Variants in PCDHA1 observed in about 807,000 individuals in gnomAD.
The protein encoded by PCDHA1 is protocadherin alpha 1.
PCDHA1 carries 42 observed loss-of-function variants against 61.3 expected under a neutral mutation model. That is an observed-to-expected ratio of 0.69 (90% CI 0.54 to 0.89). The LOEUF (loss-of-function observed/expected upper bound fraction) is 0.89, where lower values mean the gene tolerates loss of function less well. Ranked by LOEUF, PCDHA1 falls within the 40% of genes least tolerant of loss-of-function variation. PCDHA1 has a pLI of 0.00. For missense variants in PCDHA1, 1,256 were observed against 1,235.3 expected, an observed-to-expected ratio of 1.02 and a Z score of -0.25; for synonymous variants, 610 against 553.8, an observed-to-expected ratio of 1.10 and a Z score of -1.43.
intron 1 of PCDHA1, among the ~76,000 whole-genome samples, chr5:140,901,805 T>G (rs115665679): frequency 0.012 from 1,857 of 152,304 alleles, 44 homozygotes; most frequent in African/African-American, 0.042. Context: ...TGAACATTTT[T>G]ACAATATTGA....
At chr5:140,808,867 C>T (rs782544974) in intron 1 of PCDHA1, 18 of 1,613,062 alleles carry the variant, frequency 1.1e-5, no homozygotes, top group African/African-American at 4.0e-5. Flanking sequence ...ACGAAAACGA[C>T]AACGCGCCAG....
At chr5:140,897,378 C>T (rs992566047) in intron 1 of PCDHA1, among the ~76,000 whole-genome samples, 8 of 144,246 alleles carry the variant, frequency 5.5e-5, no homozygotes, top group Admixed American at 4.3e-4. Context: ...GTTCCCTTCC[C>T]CTTCCTGTGT....
chr5:140,878,318 C>T (rs2057536608), intron 1 of PCDHA1, among the ~76,000 whole-genome samples: 1 of 152,176 alleles, frequency 6.6e-6, no homozygotes, highest in African/African-American at 2.4e-5. Context: ...TAGACATTTT[C>T]ACATTATATT....
At position 140,796,300 on chromosome 5, in the gene PCDHA1, G is replaced by A. The variant is rs558179356; in HGVS notation, c.2394+7616G>A. ...CACCACCAGCGTGTCCATCGAGGTG[G>A]CCGACGTGAACGACAACGCGCCGGC... is the stretch of plus-strand genomic sequence containing the variant. On this transcript the variant is annotated intron_variant, in intron 1 of 3. Coordinates refer to ENST00000504120, the MANE Select transcript of PCDHA1 (RefSeq NM_018900.4). 2.5e-6 allele frequency: 4 copies of A among 1,614,144 alleles called. No individual in the cohort carries two copies. The African/African-American group carries it at 5.3e-5, about 22-fold the overall frequency.
intron 1 of PCDHA1, among the ~76,000 whole-genome samples, chr5:140,894,375 T>G (rs1246573357): frequency 1.3e-5 from 2 of 152,054 alleles, no homozygotes; most frequent in Non-Finnish European, 2.9e-5. Context: ...ATGGCTCCAA[T>G]TATATTTGTA....
At chr5:140,875,925 T>C in intron 1 of PCDHA1, 2 of 1,614,142 alleles carry the variant, frequency 1.2e-6, no homozygotes. Context: ...TGGACTCTCA[T>C]TTTCCTCTAG....
rs576802253 is a variant in PCDHA1 at position 140,888,837 on chromosome 5, C to T, written c.2395-90112C>T. ...GATCTGTGATCACATCACTCCACTG[C>T]AGCCTGGTGACAGAGTGAGACCATG... is the stretch of plus-strand genomic sequence containing the variant. On this transcript the variant is annotated intron_variant, in intron 1 of 3. Coordinates refer to ENST00000504120, the MANE Select transcript of PCDHA1 (RefSeq NM_018900.4). Among the ~76,000 whole-genome samples, 5 of 152,130 alleles carry T rather than the reference C, an allele frequency of 3.3e-5. No individual in the cohort carries two copies. In the South Asian group the frequency reaches 1.0e-3, roughly 32 times the overall value.
At chr5:140,870,885 C>T (rs782085408) in intron 1 of PCDHA1, 13 of 1,613,918 alleles carry the variant, frequency 8.1e-6, no homozygotes, top group African/African-American at 1.3e-5. Flanking sequence ...CGAAGGTGCG[C>T]GCAGTGGATG....
At chr5:140,803,573 C>T (rs1351607686) in intron 1 of PCDHA1, 4 of 1,614,074 alleles carry the variant, frequency 2.5e-6, no homozygotes, top group South Asian at 1.1e-5. Context: ...AGGATGTGGA[C>T]GTTGATCTCT....
At chr5:140,967,029 G>C (rs1554229079) in intron 1 of PCDHA1, 4 of 1,608,938 alleles carry the variant, frequency 2.5e-6, no homozygotes, top group East Asian at 2.2e-5. Flanking sequence ...CCCAGTCCGC[G>C]CTACCTGGAG....
chr5:140,882,120 C>G, intron 1 of PCDHA1: 4 of 1,448,936 alleles, frequency 2.8e-6, no homozygotes. Flanking sequence ...GCCGCCGTTT[C>G]TTTCTTCCTG....
At chr5:140,876,499 G>T in intron 1 of PCDHA1, 1 of 1,614,028 alleles carries the variant, frequency 6.2e-7, no homozygotes, top group South Asian at 1.1e-5. Flanking sequence ...AGTTCTGGAC[G>T]TGAATGACAA....
chr5:140,967,114 C>T (rs782407413), intron 1 of PCDHA1: 17 of 1,612,932 alleles, frequency 1.1e-5, no homozygotes, highest in Non-Finnish European at 1.4e-5. Flanking sequence ...AGCGGCCTCG[C>T]TGCCTGCTCA....
intron 1 of PCDHA1, chr5:140,877,301 A>T (rs2057007244): frequency 6.2e-7 from 1 of 1,613,758 alleles, no homozygotes; most frequent in African/African-American, 1.3e-5. Flanking sequence ...CTGTCCTACG[A>T]GTTGCAACCG....
chr5:140,799,893 C>G (rs1762485843), intron 1 of PCDHA1, among the ~76,000 whole-genome samples: 2 of 151,996 alleles, frequency 1.3e-5, no homozygotes, highest in Non-Finnish European at 2.9e-5. Flanking sequence ...TTCTTTGCCC[C>G]ACTTCCAAAT....
chr5:140,926,778 A>G, intron 1 of PCDHA1: 1 of 1,393,042 alleles, frequency 7.2e-7, no homozygotes, highest in East Asian at 2.6e-5. Context: ...CGCAGCAGTG[A>G]CGGCCGGCAG....
chr5:140,794,620 T>G (rs782193315), intron 1 of PCDHA1, among the ~76,000 whole-genome samples: 1 of 152,240 alleles, frequency 6.6e-6, no homozygotes, highest in African/African-American at 2.4e-5. Flanking sequence ...TAATTTTAAA[T>G]ATTATGTTGT....
intron 1 of PCDHA1, chr5:140,859,685 A>AT (rs1250609126): frequency 6.5e-6 from 1 of 154,692 alleles, no homozygotes; most frequent in Admixed American, 6.4e-5. Context: ...TAAAATTAAA[A>AT]TTATTGTTCA....
chr5:140,915,453 A>G (rs963973003), intron 1 of PCDHA1, among the ~76,000 whole-genome samples: 13 of 152,232 alleles, frequency 8.5e-5, no homozygotes, highest in African/African-American at 2.9e-4. Context: ...AAGGTTTTCC[A>G]GAAGGTTTTT....
Sources: allele counts gnomAD v4.1 joint callset (sites outside exome capture counted in the v4.1 genomes callset), GRCh38; gene constraint gnomAD v4.1.1; transcripts MANE v1.5; gene names NCBI Gene and HGNC (gene_info 2026-07-23, HGNC 2026-07-21).